CCSER1: variants seen among roughly 807,000 people sequenced by gnomAD.
The protein encoded by CCSER1 is serine-rich coiled-coil domain-containing protein 1.
In CCSER1, 41 loss-of-function variants were observed where a neutral mutation model predicts 82.0. That is an observed-to-expected ratio of 0.50 (90% confidence interval 0.39 to 0.65). The LOEUF is 0.65. CCSER1 is among the 30% of genes least tolerant of loss of function. The pLI is 0.00. For missense variants in CCSER1, 1,119 were observed against 1,064.2 expected, an observed-to-expected ratio of 1.05 and a Z score of -0.72; for synonymous variants, 414 against 383.9, an observed-to-expected ratio of 1.08 and a Z score of -0.92.
intron 10 of CCSER1, among the ~76,000 whole-genome samples, chr4:91,180,272 G>A (rs991160480): frequency 6.6e-6 from 1 of 152,204 alleles, no homozygotes; most frequent in Non-Finnish European, 1.5e-5. Flanking sequence ...CTGACTTGAG[G>A]AGGCAATCTG....
intron 10 of CCSER1, among the ~76,000 whole-genome samples, chr4:91,190,527 A>AT (rs891659827): frequency 2.0e-4 from 31 of 151,960 alleles, no homozygotes; most frequent in Admixed American, 4.6e-4. Context: ...GAACTTAAGA[A>AT]TTTTTTTTTC....
At chr4:91,274,645 C>T (rs576699667) in intron 10 of CCSER1, among the ~76,000 whole-genome samples, 1 of 152,156 alleles carries the variant, frequency 6.6e-6, no homozygotes, top group Non-Finnish European at 1.5e-5. Flanking sequence ...CATCTTGCTG[C>T]AAATGACATG....
intron 10 of CCSER1, among the ~76,000 whole-genome samples, chr4:91,095,528 G>A (rs1724420644): frequency 6.6e-6 from 1 of 152,082 alleles, no homozygotes; most frequent in African/African-American, 2.4e-5. Context: ...GTAACTGCGA[G>A]GTATTCATCT....
At chr4:90,269,836 G>A (rs1014064209) in intron 1 of CCSER1, among the ~76,000 whole-genome samples, 2 of 151,796 alleles carry the variant, frequency 1.3e-5, no homozygotes, top group Non-Finnish European at 2.9e-5. Context: ...GATGAAAAAG[G>A]GGACATTACA....
intron 1 of CCSER1, among the ~76,000 whole-genome samples, chr4:90,300,400 G>A (rs1184928105): frequency 2.0e-5 from 3 of 152,088 alleles, no homozygotes; most frequent in Non-Finnish European, 4.4e-5. Context: ...CAGTGTGTTA[G>A]TGTCTTTGTG....
intron 1 of CCSER1, among the ~76,000 whole-genome samples, chr4:90,291,160 GC>G (rs1460054778): frequency 6.6e-6 from 1 of 150,542 alleles, no homozygotes; most frequent in African/African-American, 2.5e-5. Context: ...CATATCTCTG[GC>G]AGTGAGAGTC....
chr4:90,225,231 A>ATTTTTT (rs57188209), intron 1 of CCSER1, among the ~76,000 whole-genome samples: 18 of 111,862 alleles, frequency 1.6e-4, no homozygotes, highest in African/African-American at 5.1e-4. Flanking sequence ...TACCCGGCTA[A>ATTTTTT]TTTTTTTTTT....
In CCSER1 at chr4:91,601,618, A is replaced by G. The variant is rs947436141; in HGVS notation, c.*2561A>G. 13 of 152,164 alleles carry G rather than the reference A, an allele frequency of 8.5e-5. 1 individual carries two copies. Among genetic ancestry groups the G allele is most frequent in the African/African-American group, 2.6e-4 (11 of 41,582 alleles). The allele number at this position is 152,164 out of a possible 1,614,324, so 9.4% of individuals were successfully genotyped here. On this transcript the variant is annotated 3_prime_UTR_variant, in exon 11 of 11. Coordinates refer to ENST00000509176, the MANE Select transcript of CCSER1 (RefSeq NM_001145065.2). ...TTCTAAGACAGTTCCATGTATAAAAATGATTTATGCATTTCTCCAAGGCGG... is the reference window on the plus strand; with the variant it reads ...TTCTAAGACAGTTCCATGTATAAAAGTGATTTATGCATTTCTCCAAGGCGG...
At chr4:90,790,048 C>T (rs959034495) in intron 7 of CCSER1, among the ~76,000 whole-genome samples, 1 of 152,112 alleles carries the variant, frequency 6.6e-6, no homozygotes, top group African/African-American at 2.4e-5. Context: ...TCTCATTTGC[C>T]TCTCTCTACT....
chr4:90,725,507 C>T (rs1304982620), intron 7 of CCSER1, among the ~76,000 whole-genome samples: 1 of 151,370 alleles, frequency 6.6e-6, no homozygotes, highest in Non-Finnish European at 1.5e-5. Flanking sequence ...TTTTAATTTA[C>T]TCCTTTTGTG....
At chr4:91,404,684 T>C (rs1752573176) in intron 10 of CCSER1, among the ~76,000 whole-genome samples, 2 of 152,190 alleles carry the variant, frequency 1.3e-5, no homozygotes, top group Admixed American at 1.3e-4. Flanking sequence ...GGTTGTTCAG[T>C]TTCCATGTTG....
At chr4:90,522,997 AC>A (rs1386441923) in intron 5 of CCSER1, among the ~76,000 whole-genome samples, 2 of 151,636 alleles carry the variant, frequency 1.3e-5, no homozygotes, top group Non-Finnish European at 2.9e-5. Flanking sequence ...ATAATCATTT[AC>A]CCCCCTCTTT....
At chr4:90,866,875 C>A (rs911640581) in intron 8 of CCSER1, among the ~76,000 whole-genome samples, 1 of 151,912 alleles carries the variant, frequency 6.6e-6, no homozygotes, top group Non-Finnish European at 1.5e-5. Context: ...CTTGTATATC[C>A]AGTTCACAGT....
chr4:91,374,865 G>A (rs1416374286), intron 10 of CCSER1, among the ~76,000 whole-genome samples: 1 of 152,134 alleles, frequency 6.6e-6, no homozygotes, highest in African/African-American at 2.4e-5. Flanking sequence ...GCATGGTGGT[G>A]CACACCTGTA....
intron 5 of CCSER1, among the ~76,000 whole-genome samples, chr4:90,562,497 A>G (rs1322189429): frequency 6.6e-6 from 1 of 152,166 alleles, no homozygotes; most frequent in Non-Finnish European, 1.5e-5. Context: ...CTTGCAAAAA[A>G]ATGAGTGAAA....
chr4:90,133,044 C>T (rs1723073799), intron 1 of CCSER1, among the ~76,000 whole-genome samples: 1 of 152,114 alleles, frequency 6.6e-6, no homozygotes, highest in African/African-American at 2.4e-5. Context: ...TTCAGAAGCT[C>T]TGGGGTGGGG....
chr4:91,435,964 G>A (rs149032585), intron 10 of CCSER1, among the ~76,000 whole-genome samples: 23 of 152,316 alleles, frequency 1.5e-4, no homozygotes, highest in African/African-American at 5.5e-4. Context: ...GTAGAAGAAA[G>A]CTCCTTGGAT....
Position 91,013,178 on chromosome 4 carries a change from TC to T in CCSER1, c.2173-72770del, listed in dbSNP as rs1312202959. Among the ~76,000 whole-genome samples the T allele has an allele frequency of 1.5e-5, 2 of 134,546 alleles. 1 individual carries two copies. Among genetic ancestry groups the T allele is most frequent in the Non-Finnish European group, 3.5e-5 (2 of 57,852 alleles). The allele number at this position is 134,546 out of a possible 152,430, so 88.3% of individuals were successfully genotyped here. ...ATTTTGCTAATGTCACACTCTCTTT[TC>T]CAGGAGTTTTTTTATTTCAAGTCTT... On this transcript the variant is annotated intron_variant, in intron 9 of 10. Transcript: ENST00000509176.
intron 10 of CCSER1, among the ~76,000 whole-genome samples, chr4:91,464,815 T>A (rs1280476962): frequency 6.6e-6 from 1 of 152,166 alleles, no homozygotes; most frequent in Non-Finnish European, 1.5e-5. Context: ...CTATCCTAAA[T>A]ATATATGCAC....
Sources: allele counts gnomAD v4.1 joint callset (sites outside exome capture counted in the v4.1 genomes callset), GRCh38; gene constraint gnomAD v4.1.1; transcripts MANE v1.5; gene names NCBI Gene and HGNC (gene_info 2026-07-23, HGNC 2026-07-21).